The following AP3D1 variants were observed in gnomAD, a reference collection of about 807,000 sequenced individuals.
AP3D1 encodes adaptor related protein complex 3 subunit delta 1, also known as AP-3 complex subunit delta-1.
In AP3D1, 51 loss-of-function variants were observed where a neutral mutation model predicts 147.6. That is an observed-to-expected ratio of 0.35 (90% CI 0.28 to 0.44). AP3D1 has a LOEUF of 0.44. Ranked by LOEUF, AP3D1 falls within the 20% of genes least tolerant of loss-of-function variation. AP3D1 has a pLI of 1.00. For synonymous variants in AP3D1, 760 were observed against 663.0 expected (o/e 1.15, Z -2.25); for missense variants, 1,421 against 1,624.2 (o/e 0.87, Z 2.15).
Position 2,159,932 on chromosome 19 carries a change from G to A in AP3D1, c.-103+4424C>T, listed in dbSNP as rs556143639. 4.6e-5 allele frequency among the ~76,000 whole-genome samples: 7 copies of A among 152,172 alleles called. No individual in the cohort carries two copies. In the East Asian group the frequency reaches 9.7e-4, roughly 21 times the overall value. ...GGGGTTTCACCACGTTAGCCAGAAT[G>A]GTCTCGATCTCCTGACCCCGTGATC... On this transcript the variant is annotated intron_variant, in intron 1 of 14. Transcript: ENST00000643010.
chr19:2,146,332 A>C (rs2019355423), intron 1 of AP3D1, among the ~76,000 whole-genome samples: 1 of 152,190 alleles, frequency 6.6e-6, no homozygotes, highest in African/African-American at 2.4e-5. Flanking sequence ...GGCCGGGCAC[A>C]CTGGCTCACG....
intron 1 of AP3D1, among the ~76,000 whole-genome samples, chr19:2,145,105 C>G (rs557714830): frequency 6.8e-4 from 103 of 152,340 alleles, no homozygotes; most frequent in African/African-American, 2.4e-3. Flanking sequence ...TATATCTCAA[C>G]TGTTCAAAGA....
chr19:2,157,434 T>C (rs1377393725), intron 1 of AP3D1, among the ~76,000 whole-genome samples: 2 of 65,738 alleles, frequency 3.0e-5, no homozygotes, highest in African/African-American at 8.6e-5. Flanking sequence ...AGAGCGAGAC[T>C]CCGTCTCAAA....
Position 2,124,808 on chromosome 19 carries a change from A to G in AP3D1, c.857-929T>C, listed in dbSNP as rs143036946. Among the ~76,000 whole-genome samples the G allele has an allele frequency of 1.8e-4, 27 of 152,204 alleles. No homozygotes were observed. The East Asian group carries it at 4.6e-3, about 26-fold the overall frequency. The stretch of plus-strand genomic sequence containing the variant: ...ATACAAAAATAAGCGGGAGTGGTGG[A>G]GCATGTCTGTAACCCCAGCTACTCT... On this transcript the variant is annotated intron_variant, in intron 9 of 31. Transcript: ENST00000643116.
chr19:2,143,482 C>T (rs1474880825), intron 1 of AP3D1, among the ~76,000 whole-genome samples: 2 of 151,390 alleles, frequency 1.3e-5, no homozygotes, highest in African/African-American at 4.9e-5. Flanking sequence ...CCTTGTGATC[C>T]GCCCACCTTG....
In AP3D1 at chr19:2,137,821, C is replaced by T. The variant is rs776826868; in HGVS notation, c.193-14G>A. 1.1e-5 allele frequency: 18 copies of T among 1,613,254 alleles called. No homozygotes were observed. Among genetic ancestry groups the T allele is most frequent in the Admixed American group, 6.7e-5 (4 of 59,902 alleles). Reference sequence around the variant, plus strand: ...CAACATCTGTAACTGTTAAGGGACGCACAGGAAATTGCACTCACAAGCCAA... The same window carrying T: ...CAACATCTGTAACTGTTAAGGGACGTACAGGAAATTGCACTCACAAGCCAA... On this transcript the variant is annotated splice_polypyrimidine_tract_variant and intron_variant, in intron 2 of 31. Coordinates refer to ENST00000643116, the MANE Select transcript of AP3D1 (RefSeq NM_001261826.3).
intron 28 of AP3D1, 49 bp downstream of exon 28, chr19:2,110,087 C>T (rs374556619): frequency 6.3e-7 from 1 of 1,595,656 alleles, no homozygotes; most frequent in East Asian, 2.2e-5. Context: ...GCAGGAGGAG[C>T]CCCTGCCTGC....
At chr19:2,130,317 G>A (rs2018902037) in intron 6 of AP3D1, 91 bp downstream of exon 6, 16 of 1,563,080 alleles carry the variant, frequency 1.0e-5, no homozygotes, top group East Asian at 7.0e-5. Context: ...ACCACTCCCC[G>A]CAGCACCCCC....
At chr19:2,111,541 A>C (rs2018276898) in intron 25 of AP3D1, 138 bp downstream of exon 25, 1 of 1,288,812 alleles carries the variant, frequency 7.8e-7, no homozygotes, top group South Asian at 1.5e-5. Context: ...GGCCAGGGCC[A>C]GTCCCCTGCC....
At position 2,101,053 on chromosome 19, in the gene AP3D1, T is replaced by C. The variant is rs2017936844; in HGVS notation, c.*1120A>G. On this transcript the variant is annotated 3_prime_UTR_variant, in exon 32 of 32. Coordinates refer to ENST00000643116, the MANE Select transcript of AP3D1 (RefSeq NM_001261826.3). Reference sequence around the variant, plus strand: ...ACAAAATCATGACAGCAGCGTGATATGTCTCTCTCTTTATACGGGAATGTC... The same window carrying C: ...ACAAAATCATGACAGCAGCGTGATACGTCTCTCTCTTTATACGGGAATGTC... The C allele has an allele frequency of 6.6e-6, 1 of 152,550 alleles. No individual in the cohort carries two copies. Among genetic ancestry groups the C allele is most frequent in the Non-Finnish European group, 1.5e-5 (1 of 68,044 alleles). 9.4% of individuals were successfully genotyped at this position (152,550 alleles called of 1,614,324 possible). A position where few individuals can be genotyped will look rare whatever the true frequency, so the allele number is the denominator to read the frequency against.
intron 31 of AP3D1, among the ~76,000 whole-genome samples, chr19:2,104,960 C>A (rs1456085952): frequency 6.6e-6 from 1 of 152,146 alleles, no homozygotes; most frequent in Non-Finnish European, 1.5e-5. Flanking sequence ...CAGTCACACA[C>A]CACCATGCCC....
chr19:2,154,498 C>T (rs1484807235), upstream of AP3D1, among the ~76,000 whole-genome samples: 2 of 152,120 alleles, frequency 1.3e-5, no homozygotes, highest in South Asian at 2.1e-4. Flanking sequence ...AGGATGGTCT[C>T]GATCTCTTGA....
intron 14 of AP3D1, among the ~76,000 whole-genome samples, chr19:2,119,699 CAAAAA>C (rs954635585): frequency 1.2e-4 from 3 of 25,336 alleles, no homozygotes; most frequent in African/African-American, 1.6e-4. Flanking sequence ...GACTCTGTCT[CAAAAA>C]AAAAAAAAAA....
At chr19:2,149,217 C>A (rs919589402) in intron 1 of AP3D1, among the ~76,000 whole-genome samples, 2 of 152,066 alleles carry the variant, frequency 1.3e-5, no homozygotes, top group East Asian at 1.9e-4. Context: ...AATGAGGAAG[C>A]CTGGGACTTT....
chr19:2,103,579 G>A (rs148940195), intron 31 of AP3D1, among the ~76,000 whole-genome samples: 6 of 152,290 alleles, frequency 3.9e-5, no homozygotes, highest in African/African-American at 7.2e-5. Flanking sequence ...AAGAGCAACC[G>A]AAGGCACTGA....
chr19:2,151,736 C>CTT (rs2019524613), upstream of AP3D1, among the ~76,000 whole-genome samples: 2 of 152,262 alleles, frequency 1.3e-5, no homozygotes, highest in Non-Finnish European at 2.9e-5. Flanking sequence ...GCGGCCCCGC[C>CTT]TTTTCCGGCC....
upstream of AP3D1, among the ~76,000 whole-genome samples, chr19:2,156,346 A>G (rs886361105): frequency 6.6e-6 from 1 of 152,074 alleles, no homozygotes; most frequent in African/African-American, 2.4e-5. Context: ...CCATCCACCC[A>G]GCCACATATC....
At chr19:2,117,412 C>T in intron 15 of AP3D1, 45 bp from the exon 16 acceptor site, 1 of 1,519,596 alleles carries the variant, frequency 6.6e-7, no homozygotes, top group Non-Finnish European at 8.8e-7. Context: ...CCCGGAAGGC[C>T]ACTCGGCCAC....
At chr19:2,124,006 T>A in intron 9 of AP3D1, 127 bp from the exon 10 acceptor site, 1 of 1,081,824 alleles carries the variant, frequency 9.2e-7, no homozygotes, top group Non-Finnish European at 1.4e-6. Flanking sequence ...GAAATGCCAC[T>A]GAGTTTGGGA....
Sources: allele counts gnomAD v4.1 joint callset (sites outside exome capture counted in the v4.1 genomes callset), GRCh38; gene constraint gnomAD v4.1.1; transcripts MANE v1.5; gene names NCBI Gene and HGNC (gene_info 2026-07-23, HGNC 2026-07-21).